Variants in ANKRD28 observed in about 807,000 individuals in gnomAD.
The protein encoded by ANKRD28 is serine/threonine-protein phosphatase 6 regulatory ankyrin repeat subunit A.
In ANKRD28, 44 loss-of-function variants were observed where a neutral mutation model predicts 126.5. The observed-to-expected ratio is 0.35, with a 90% confidence interval of 0.27 to 0.45. The LOEUF is 0.45. ANKRD28 is among the 20% of genes least tolerant of loss of function. The pLI is 1.00. For synonymous variants in ANKRD28, 442 were observed against 468.5 expected, an observed-to-expected ratio of 0.94 and a Z score of 0.73; for missense variants, 1,110 against 1,316.6, an observed-to-expected ratio of 0.84 and a Z score of 2.43.
chr3:15,700,472 T>A (rs1344013922), intron 14 of ANKRD28, among the ~76,000 whole-genome samples: 14 of 136,994 alleles, frequency 1.0e-4, no homozygotes, highest in Non-Finnish European at 1.6e-4. Flanking sequence ...AAAAAAAAAA[T>A]TAATTAAAAA....
intron 7 of ANKRD28, among the ~76,000 whole-genome samples, chr3:15,723,519 G>A (rs1443636708): frequency 1.3e-5 from 2 of 152,200 alleles, no homozygotes; most frequent in African/African-American, 4.8e-5. Flanking sequence ...TGGGCTGGGT[G>A]TGGTGGCTCA....
At position 15,859,383 on chromosome 3, in the gene ANKRD28, AC is replaced by A; in HGVS notation, c.20del (p.Arg7LeufsTer21). ...CCTGCAGCCCCTCACCTACCTGGTCACGGAGTTTGAGGAACGCCATGGCGGT... is the reference window on the plus strand; with the variant it reads ...CCTGCAGCCCCTCACCTACCTGGTCAGGAGTTTGAGGAACGCCATGGCGGT... On this transcript the variant is annotated frameshift_variant, in exon 1 of 28. Transcript: ENST00000399451. LOFTEE classifies it high-confidence loss of function. 1 of 1,528,666 alleles carries A rather than the reference AC, an allele frequency of 6.5e-7. No homozygotes were observed. 94.7% of individuals were successfully genotyped at this position (1,528,666 alleles called of 1,614,324 possible).
chr3:15,727,612 T>C (rs549860376), intron 6 of ANKRD28, among the ~76,000 whole-genome samples: 172 of 150,230 alleles, frequency 1.1e-3, no homozygotes, highest in African/African-American at 3.8e-3. Context: ...AGAACATTTC[T>C]GATTCATGGG....
At chr3:15,801,343 T>C (rs2060461484), upstream of ANKRD28, among the ~76,000 whole-genome samples, 1 of 152,130 alleles carries the variant, frequency 6.6e-6, no homozygotes, top group Non-Finnish European at 1.5e-5. The surrounding 1 kb of genome is among the most constrained non-coding windows in gnomAD (Gnocchi z 4.9). Flanking sequence ...ACACAAACGA[T>C]TTTTCCTTTC....
intron 8 of ANKRD28, among the ~76,000 whole-genome samples, chr3:15,720,438 T>C (rs1253410642): frequency 6.6e-6 from 1 of 152,214 alleles, no homozygotes; most frequent in Non-Finnish European, 1.5e-5. Context: ...ACAGACATCA[T>C]ACATGTCACC....
chr3:15,744,928 T>C (rs767684836), intron 4 of ANKRD28, among the ~76,000 whole-genome samples: 3 of 152,226 alleles, frequency 2.0e-5, no homozygotes, highest in African/African-American at 7.2e-5. Flanking sequence ...TTTTTGACTA[T>C]GGCCATTCTT....
chr3:15,674,387 G>C (rs947199181), intron 27 of ANKRD28, among the ~76,000 whole-genome samples: 2 of 53,188 alleles, frequency 3.8e-5, no homozygotes, highest in Non-Finnish European at 7.4e-5. Context: ...TAGGGGTTTT[G>C]CCCTGAGCCA....
intron 26 of ANKRD28, chr3:15,676,317 G>C: frequency 4.7e-6 from 1 of 213,290 alleles, no homozygotes; most frequent in Non-Finnish European, 9.2e-6. Context: ...CGTTGTTAAG[G>C]AATGAGGCTG....
chr3:15,691,983 CAAAT>C (rs1409701628), intron 17 of ANKRD28, among the ~76,000 whole-genome samples: 2 of 151,552 alleles, frequency 1.3e-5, no homozygotes, highest in East Asian at 1.9e-4. Context: ...AATAAACAAA[CAAAT>C]AAATAAGCTG....
chr3:15,741,862 G>C (rs373685256), intron 4 of ANKRD28, among the ~76,000 whole-genome samples: 11 of 151,934 alleles, frequency 7.2e-5, no homozygotes, highest in South Asian at 6.2e-4. Context: ...TCAGCCTGCC[G>C]AGTGCCTGCG....
chr3:15,679,218 C>T (rs1317358450), intron 23 of ANKRD28, 83 bp downstream of exon 23: 2 of 1,348,556 alleles, frequency 1.5e-6, no homozygotes, highest in Non-Finnish European at 2.1e-6. Context: ...CATCCTCCCA[C>T]TTCAGCCTCC....
In ANKRD28 at chr3:15,729,881, T is replaced by C. The variant is rs982562242; in HGVS notation, c.641-5357A>G. ...ATAATGCAATGAGGTGTTAAGGTAATTTTTAAAAATCAATTAAAAAATTTT... is the reference window on the plus strand; with the variant it reads ...ATAATGCAATGAGGTGTTAAGGTAACTTTTAAAAATCAATTAAAAAATTTT... On this transcript the variant is annotated intron_variant, in intron 6 of 27. Transcript: ENST00000683139. 2.2e-4 allele frequency among the ~76,000 whole-genome samples: 34 copies of C among 152,342 alleles called. 5 individuals carry two copies. Among genetic ancestry groups the C allele is most frequent in the Admixed American group, 9.8e-4 (15 of 15,304 alleles).
intron 9 of ANKRD28, 49 bp downstream of exon 9, chr3:15,714,529 T>TAAAAA (rs1272231264): frequency 6.2e-6 from 5 of 807,300 alleles, no homozygotes; most frequent in Non-Finnish European, 6.8e-6. Flanking sequence ...TTACTACATT[T>TAAAAA]AAGAAAAAAA....
chr3:15,823,296 C>T (rs528171280), intron 1 of ANKRD28, among the ~76,000 whole-genome samples: 19 of 152,186 alleles, frequency 1.2e-4, no homozygotes, highest in Non-Finnish European at 2.2e-4. Context: ...AGTAATGCTC[C>T]CTTGAAGGCC....
At chr3:15,717,290 T>C (rs1033299807) in intron 8 of ANKRD28, among the ~76,000 whole-genome samples, 9 of 152,120 alleles carry the variant, frequency 5.9e-5, no homozygotes, top group African/African-American at 1.7e-4. Context: ...GAATCCTTTA[T>C]TATAAGCCTA....
Position 15,797,380 on chromosome 3 carries a change from A to G in ANKRD28, c.-859T>C. On this transcript the variant is annotated 5_prime_UTR_variant, in exon 1 of 28. Transcript: ENST00000683139. ...TAGCTTTATTCCCATCGATAGCATAAGCAAGGCAGAGCGTTCATTCTTTCT... is the reference window on the plus strand; with the variant it reads ...TAGCTTTATTCCCATCGATAGCATAGGCAAGGCAGAGCGTTCATTCTTTCT... 4 of 985,382 alleles carry G rather than the reference A, an allele frequency of 4.1e-6. No homozygotes were observed. Among genetic ancestry groups the G allele is most frequent in the Non-Finnish European group, 4.8e-6 (4 of 829,942 alleles). The allele number at this position is 985,382 out of a possible 1,614,324, so 61.0% of individuals were successfully genotyped here. A position where few individuals can be genotyped will look rare whatever the true frequency, so the allele number is the denominator to read the frequency against.
intron 13 of ANKRD28, 137 bp from the exon 14 acceptor site, chr3:15,708,201 T>C: frequency 2.1e-6 from 2 of 946,280 alleles, no homozygotes; most frequent in South Asian, 3.6e-5. Flanking sequence ...TACTAAGTCT[T>C]GCGGAGGACT....
intron 4 of ANKRD28, among the ~76,000 whole-genome samples, chr3:15,749,235 C>G (rs1050566780): frequency 6.6e-6 from 1 of 150,626 alleles, no homozygotes. Context: ...CTCAGCCTCC[C>G]GAGTAGCTGG....
At chr3:15,807,298 A>C (rs1363387771) in intron 1 of ANKRD28, among the ~76,000 whole-genome samples, 1 of 152,184 alleles carries the variant, frequency 6.6e-6, no homozygotes, top group Non-Finnish European at 1.5e-5. Context: ...CAAATGAATC[A>C]CTACTAGGCA....
Sources: gnomAD v4.1 joint callset for allele counts (sites outside exome capture counted in the v4.1 genomes callset) on GRCh38, gnomAD v4.1.1 for gene constraint, Gnocchi (gnomAD v3.1) non-coding constraint, MANE v1.5 for transcripts, NCBI Gene and HGNC (gene_info 2026-07-23, HGNC 2026-07-21) for gene names.